The following PEBP4 variants were observed in gnomAD, a reference collection of about 807,000 sequenced individuals.
The protein encoded by PEBP4 is phosphatidylethanolamine binding protein 4.
Under a neutral mutation model 23.9 loss-of-function variants are expected in PEBP4, and 22 were observed. The observed-to-expected ratio is 0.92, with a 90% CI of 0.66 to 1.31. PEBP4 has a LOEUF of 1.31. Among genes scored for constraint, PEBP4 ranks in the 40% most tolerant of loss-of-function variants. The pLI, the probability that PEBP4 is intolerant of heterozygous loss-of-function variation, is 0.00. For synonymous variants in PEBP4, 112 were observed against 99.3 expected (o/e 1.13, Z -0.76); for missense variants, 324 against 281.7 (o/e 1.15, Z -1.07).
intron 3 of PEBP4, among the ~76,000 whole-genome samples, chr8:22,866,346 G>T (rs1807902445): frequency 6.6e-6 from 1 of 152,170 alleles, no homozygotes; most frequent in Admixed American, 6.5e-5. Flanking sequence ...TTTTGGGGAT[G>T]CCTGTTTTGT....
chr8:22,900,699 G>A (rs960930703), intron 3 of PEBP4, among the ~76,000 whole-genome samples: 2 of 151,136 alleles, frequency 1.3e-5, no homozygotes, highest in African/African-American at 4.9e-5. Flanking sequence ...ACAGATGAGA[G>A]AACTAGCCTA....
At chr8:22,843,313 C>G (rs568184313) in intron 3 of PEBP4, among the ~76,000 whole-genome samples, 137 of 152,208 alleles carry the variant, frequency 9.0e-4, no homozygotes, top group African/African-American at 3.1e-3. Flanking sequence ...TGTTGCTGGT[C>G]TGGTTAGCAA....
rs1286903850 is a variant in PEBP4 at position 22,865,443 on chromosome 8, G to C, written c.259-47708C>G. Among the ~76,000 whole-genome samples the C allele has an allele frequency of 2.6e-5, 4 of 151,968 alleles. No homozygotes were observed. The highest frequency in any genetic ancestry group is 5.9e-5 in the Non-Finnish European group (4 of 67,944). On this transcript the variant is annotated intron_variant, in intron 3 of 6. Transcript: ENST00000256404. This position sits in a 1 kb window ranked among gnomAD's most constrained non-coding sequence, Gnocchi z 6.9. Reference sequence around the variant, plus strand: ...CCTGCGCCTCCAGGGCGTTGGGCGGGGGCCGCACTTTCCCCGCCGCGAGGT... The same window carrying C: ...CCTGCGCCTCCAGGGCGTTGGGCGGCGGCCGCACTTTCCCCGCCGCGAGGT...
intron 3 of PEBP4, among the ~76,000 whole-genome samples, chr8:22,879,079 A>G (rs776702650): frequency 1.2e-4 from 19 of 152,196 alleles, no homozygotes; most frequent in Non-Finnish European, 1.6e-4. Context: ...CTCTATCCTA[A>G]TCTCATCTCA....
At chr8:22,874,195 T>A in intron 3 of PEBP4, among the ~76,000 whole-genome samples, 1 of 151,862 alleles carries the variant, frequency 6.6e-6, no homozygotes. Flanking sequence ...GAAAATAAGG[T>A]TAGAATAGTG....
rs182778442 is a variant in PEBP4 at position 22,906,050 on chromosome 8, A to G, written c.258+14134T>C. 6.1e-3 allele frequency among the ~76,000 whole-genome samples: 927 copies of G among 152,224 alleles called. 7 individuals carry two copies. Among genetic ancestry groups the G allele is most frequent in the African/African-American group, 0.021 (854 of 41,522 alleles). On this transcript the variant is annotated intron_variant, in intron 3 of 6. Transcript: ENST00000256404. ...GCAGCCGCTGACATTGCATATCCCCAAACACCAGGTTTTCATGAAGGAGAA... is the reference window on the plus strand; with the variant it reads ...GCAGCCGCTGACATTGCATATCCCCGAACACCAGGTTTTCATGAAGGAGAA...
chr8:22,730,349 TAG>T (rs1804705333), intron 4 of PEBP4, among the ~76,000 whole-genome samples: 1 of 152,184 alleles, frequency 6.6e-6, no homozygotes, highest in African/African-American at 2.4e-5. Context: ...CCGAACAGTT[TAG>T]GCAACATAGC....
At position 22,760,860 on chromosome 8, in the gene PEBP4, G is replaced by A. The variant is rs528572933; in HGVS notation, c.358-33640C>T. Among the ~76,000 whole-genome samples the A allele has an allele frequency of 7.5e-4, 114 of 152,280 alleles. 3 individuals are homozygous for A. The South Asian group carries it at 0.023, about 31-fold the overall frequency. ...CTCTGGCAAAGGTTCCCCTGAAGGC[G>A]AGGTCTAGACCAGGTGACCTTGAAC... On this transcript the variant is annotated intron_variant, in intron 4 of 6. Coordinates refer to ENST00000256404, the MANE Select transcript of PEBP4 (RefSeq NM_144962.3).
intron 3 of PEBP4, among the ~76,000 whole-genome samples, chr8:22,915,673 G>A (rs1412802840): frequency 6.6e-6 from 1 of 152,146 alleles, no homozygotes; most frequent in Non-Finnish European, 1.5e-5. Flanking sequence ...TGAGCCAGTG[G>A]GCCTGCACTT....
At chr8:22,899,491 T>A (rs117945208) in intron 3 of PEBP4, among the ~76,000 whole-genome samples, 1,667 of 152,222 alleles carry the variant, frequency 0.011, 19 homozygotes, top group Non-Finnish European at 0.019. Flanking sequence ...AAAAGAAGTG[T>A]GTTGGTTAGC....
chr8:22,807,030 G>T (rs907234089), intron 4 of PEBP4, among the ~76,000 whole-genome samples: 1 of 152,112 alleles, frequency 6.6e-6, no homozygotes, highest in Non-Finnish European at 1.5e-5. Context: ...TTTGAATTCC[G>T]ATGTTTTGAT....
chr8:22,894,025 A>C (rs1808546859), intron 3 of PEBP4, among the ~76,000 whole-genome samples: 1 of 152,220 alleles, frequency 6.6e-6, no homozygotes, highest in Non-Finnish European at 1.5e-5. Context: ...AAATTGCTTA[A>C]AACCAGTGAA....
Position 22,865,848 on chromosome 8 carries a change from G to C in PEBP4, c.259-48113C>G, listed in dbSNP as rs1273950445. On this transcript the variant is annotated intron_variant, in intron 3 of 6. Transcript: ENST00000256404. This position sits in a 1 kb window ranked among gnomAD's most constrained non-coding sequence, Gnocchi z 6.9. ...CACCCCGGGCTCGAACTCCCGACAA[G>C]ACTGAGCGCAGGGCCCACCCCGGCT... 6.6e-6 allele frequency among the ~76,000 whole-genome samples: 1 copy of C among 152,174 alleles called. No individual in the cohort carries two copies. The highest frequency in any genetic ancestry group is 1.5e-5 in the Non-Finnish European group (1 of 68,022).
At chr8:22,828,289 G>A (rs1039742058) in intron 3 of PEBP4, among the ~76,000 whole-genome samples, 12 of 152,288 alleles carry the variant, frequency 7.9e-5, no homozygotes, top group African/African-American at 2.9e-4. Flanking sequence ...ATCCCCATCT[G>A]TACATGGGGT....
At chr8:22,928,900 T>C (rs1214844918), upstream of PEBP4, among the ~76,000 whole-genome samples, 1 of 152,246 alleles carries the variant, frequency 6.6e-6, no homozygotes, top group Non-Finnish European at 1.5e-5. Context: ...CAGCATAGTC[T>C]GCTTTCTGGC....
intron 3 of PEBP4, among the ~76,000 whole-genome samples, chr8:22,843,161 T>C (rs190003725): frequency 6.6e-6 from 1 of 151,784 alleles, no homozygotes; most frequent in East Asian, 1.9e-4. Context: ...ACAGGGTTTC[T>C]ATGTTTTGGC....
chr8:22,889,215 A>G (rs1308106570), intron 3 of PEBP4, among the ~76,000 whole-genome samples: 2 of 152,186 alleles, frequency 1.3e-5, no homozygotes, highest in Admixed American at 6.5e-5. Context: ...TTTTCCTACC[A>G]TACAGGATTT....
intron 3 of PEBP4, among the ~76,000 whole-genome samples, chr8:22,916,331 A>G (rs568699054): frequency 6.6e-6 from 1 of 152,142 alleles, no homozygotes; most frequent in Non-Finnish European, 1.5e-5. Context: ...TTGCCTCTTC[A>G]TGTTTGTCAG....
At chr8:22,783,999 CA>C (rs1805978721) in intron 4 of PEBP4, among the ~76,000 whole-genome samples, 2 of 152,198 alleles carry the variant, frequency 1.3e-5, no homozygotes, top group African/African-American at 4.8e-5. Context: ...GGAGTTATAG[CA>C]GGAGGTTGAA....
Sources: allele counts gnomAD v4.1 joint callset (sites outside exome capture counted in the v4.1 genomes callset), GRCh38; gene constraint gnomAD v4.1.1; non-coding constraint Gnocchi (gnomAD v3.1); transcripts MANE v1.5; gene names NCBI Gene and HGNC (gene_info 2026-07-23, HGNC 2026-07-21).